Variants in SUCO observed in about 807,000 individuals in gnomAD.
SUCO encodes the protein SUN domain-containing ossification factor.
Under a neutral mutation model 148.1 loss-of-function variants are expected in SUCO, and 57 were observed. The ratio of observed to expected loss-of-function variants is 0.38; its 90% confidence interval spans 0.31 to 0.48. The LOEUF (loss-of-function observed/expected upper bound fraction) is 0.48. Among genes scored for constraint, SUCO ranks in the 20% least tolerant of loss-of-function variants. The probability of loss-of-function intolerance (pLI) is 0.96; values close to 1 mark genes in which losing one functional copy is unlikely to be tolerated. For synonymous variants in SUCO, 470 were observed against 502.7 expected (o/e 0.93, Z 0.87); for missense variants, 1,331 against 1,468.2 (o/e 0.91, Z 1.53).
Position 172,578,407 on chromosome 1 carries a change from G to C in SUCO, c.1432+18G>C. On this transcript the variant is annotated intron_variant, in intron 14 of 23. Coordinates refer to ENST00000263688, the MANE Select transcript of SUCO (RefSeq NM_014283.5). ...GGACTATGGTAAGTGACATCAAACAGATGACTGTTAGGTATATTTTTTTTA... is the reference window on the plus strand; with the variant it reads ...GGACTATGGTAAGTGACATCAAACACATGACTGTTAGGTATATTTTTTTTA... 6.3e-7 allele frequency: 1 copy of C among 1,596,882 alleles called. No homozygotes were observed. The highest frequency in any genetic ancestry group is 1.3e-5 in the African/African-American group (1 of 74,600).
At chr1:172,550,979 T>C (rs1424137800) in intron 1 of SUCO, 3 of 625,352 alleles carry the variant, frequency 4.8e-6, no homozygotes, top group Non-Finnish European at 6.0e-6. Flanking sequence ...ACTTTCTTTT[T>C]TATTGTTTTC....
chr1:172,599,460 A>G (rs1036855266), intron 19 of SUCO: 1 of 803,474 alleles, frequency 1.2e-6, no homozygotes, highest in Non-Finnish European at 1.5e-6. Context: ...GTTGATTATA[A>G]AAGTTTCTAA....
chr1:172,610,941 T>C lies in SUCO; in HGVS notation c.*682T>C, dbSNP rs1478522167. Reference sequence around the variant, plus strand: ...ACTTCTTACTTAGTTACTAACTCAATGAGGAAAAATCCCTACAGGATCTTT... The same window carrying C: ...ACTTCTTACTTAGTTACTAACTCAACGAGGAAAAATCCCTACAGGATCTTT... On this transcript the variant is annotated 3_prime_UTR_variant, in exon 24 of 24. Transcript: ENST00000263688. The C allele has an allele frequency of 1.3e-5, 2 of 152,524 alleles. No homozygotes were observed. Among genetic ancestry groups the C allele is most frequent in the Non-Finnish European group, 2.9e-5 (2 of 68,034 alleles). 9.4% of individuals were successfully genotyped at this position (152,524 alleles called of 1,614,324 possible).
intron 11 of SUCO, among the ~76,000 whole-genome samples, chr1:172,576,107 A>T (rs902259691): frequency 1.3e-5 from 2 of 151,862 alleles, no homozygotes; most frequent in Non-Finnish European, 3.0e-5. Context: ...CCAATTGCAA[A>T]TAAAATAGAG....
chr1:172,575,672 T>C, intron 11 of SUCO, 49 bp downstream of exon 11: 1 of 1,269,014 alleles, frequency 7.9e-7, no homozygotes, highest in East Asian at 2.3e-5. Flanking sequence ...AATATACGTG[T>C]TATTCACACT....
rs934189949 is a variant in SUCO, at chr1:172,570,122, C to T, written c.932C>T (p.Ala311Val). 1.3e-6 allele frequency: 2 copies of T among 1,591,684 alleles called. No individual in the cohort carries two copies. The highest frequency in any genetic ancestry group is 1.7e-6 in the Non-Finnish European group (2 of 1,167,516). The change falls in exon 8 of 24, where the codon GCC (alanine) becomes GTC (valine). Residue 311 changes from alanine to valine, a missense_variant. Around this residue, in one of 3 missense-constraint regions of SUCO, gnomAD observed 992 missense variants for 1,093.5 expected, o/e 0.91. Coordinates refer to ENST00000263688, the MANE Select transcript of SUCO (RefSeq NM_014283.5). ...KKVQKNRNNY[A>V]SVECGAKILA... is the part of the protein sequence containing the mutation. ...GTCCAGAAAAATCGAAATAATTATG[C>T]CTCAGTAGAATGTGGTGCCAAAATT...
In SUCO at chr1:172,610,230, G is replaced by T. The variant is rs1474847164; in HGVS notation, c.3736G>T (p.Gly1246Cys). 1 of 1,604,758 alleles carries T rather than the reference G, an allele frequency of 6.2e-7. No homozygotes were observed. Among genetic ancestry groups the T allele is most frequent in the South Asian group, 1.1e-5 (1 of 89,298 alleles). The change falls in exon 24 of 24, where the codon GGT (glycine) becomes TGT (cysteine). Residue 1246 changes from glycine (G) to cysteine (C), a missense_variant. By Grantham distance (159) the Gly-to-Cys change is radical. Coordinates refer to ENST00000263688, the MANE Select transcript of SUCO (RefSeq NM_014283.5). ...CAAAGAGATCACCGTGGGAACATTT[G>T]GTGTTACAGCAGTCTCGGGACATAT... ...GNKEITVGTFGVTAVSGHI is the reference protein window; with the variant it reads ...GNKEITVGTFCVTAVSGHI
intron 10 of SUCO, 79 bp downstream of exon 10, chr1:172,574,077 C>G (rs1655248486): frequency 1.3e-6 from 1 of 758,874 alleles, no homozygotes; most frequent in African/African-American, 1.8e-5. Context: ...AAAAGTGGGT[C>G]ACATTTTGAC....
intron 7 of SUCO, 156 bp downstream of exon 7, chr1:172,569,298 T>C: frequency 9.3e-6 from 7 of 755,706 alleles, no homozygotes; most frequent in Non-Finnish European, 8.1e-6. Flanking sequence ...CATCCATCCA[T>C]CATGTACCTG....
chr1:172,586,652 G>A lies in SUCO; in HGVS notation c.1658+704G>A, dbSNP rs1656267878. Among the ~76,000 whole-genome samples the A allele has an allele frequency of 1.3e-5, 2 of 152,028 alleles. 1 individual carries two copies. Reference sequence around the variant, plus strand: ...TTAGATACACTCCCTACAAAACTTTGCAAGTCCTTTATCTTAGAACAACTC... The same window carrying A: ...TTAGATACACTCCCTACAAAACTTTACAAGTCCTTTATCTTAGAACAACTC... On this transcript the variant is annotated intron_variant, in intron 17 of 23. Transcript: ENST00000263688.
chr1:172,570,658 AAT>A lies in SUCO; in HGVS notation c.982-3_982-2del. 1 of 1,569,404 alleles carries A rather than the reference AAT, an allele frequency of 6.4e-7. No individual in the cohort carries two copies. The highest frequency in any genetic ancestry group is 8.7e-7 in the Non-Finnish European group (1 of 1,144,466). On this transcript the variant is annotated splice_polypyrimidine_tract_variant and splice_region_variant and intron_variant, in intron 8 of 23. Coordinates refer to ENST00000263688, the MANE Select transcript of SUCO (RefSeq NM_014283.5). ...AATTTGTTTCCTTTCCTCTTTTTAA[AAT>A]AGAGCACATCTGCTATTCTTATAGA...
At chr1:172,592,159 G>A (rs536921940) in intron 19 of SUCO, among the ~76,000 whole-genome samples, 49 of 152,042 alleles carry the variant, frequency 3.2e-4, no homozygotes, top group African/African-American at 1.1e-3. Flanking sequence ...TCAGTTCTTC[G>A]TAGATTCTGG....
intron 6 of SUCO, chr1:172,568,585 C>A: frequency 3.8e-6 from 1 of 266,456 alleles, no homozygotes; most frequent in Non-Finnish European, 5.8e-6. Flanking sequence ...TTTTTGTGTA[C>A]ACAGTGTTTC....
intron 10 of SUCO, among the ~76,000 whole-genome samples, chr1:172,574,436 A>C (rs1432137554): frequency 1.3e-5 from 2 of 152,054 alleles, no homozygotes; most frequent in Non-Finnish European, 2.9e-5. Context: ...ATTAAAATAT[A>C]TTCTAAAACT....
intron 19 of SUCO, among the ~76,000 whole-genome samples, chr1:172,599,807 T>C (rs1657380034): frequency 6.6e-6 from 1 of 152,250 alleles, no homozygotes; most frequent in Non-Finnish European, 1.5e-5. Flanking sequence ...TGTTATACAG[T>C]ATTTCACATT....
intron 9 of SUCO, among the ~76,000 whole-genome samples, chr1:172,571,733 CGCCTCTACCCGGG>C (rs1655016223): frequency 1.9e-5 from 1 of 53,800 alleles, no homozygotes; most frequent in African/African-American, 9.5e-5. Context: ...ATGTGAGGAG[CGCCTCTACCCGGG>C]CGCGACCCCG....
In SUCO at chr1:172,589,294, G is replaced by C. The variant is rs1333532969; in HGVS notation, c.2193G>C (p.Gln731His). The change falls in exon 18 of 24, where the codon CAG becomes CAC. Residue 731 changes from glutamine (Q) to histidine (H), a missense_variant. Transcript: ENST00000263688. ...CAAGCCATTCTCAAACTCTTTCTCA[G>C]TCTCTTCTTTTAGATATTACCCCAG... ...LEPSHSQTLS[Q>H]SLLLDITPEI... is the part of the protein sequence containing the mutation. The C allele has an allele frequency of 7.4e-6, 12 of 1,613,442 alleles. No homozygotes were observed. The highest frequency in any genetic ancestry group is 9.3e-6 in the Non-Finnish European group (11 of 1,179,804).
chr1:172,572,201 C>T (rs1224793253), intron 9 of SUCO, among the ~76,000 whole-genome samples: 5 of 148,012 alleles, frequency 3.4e-5, no homozygotes. Flanking sequence ...GGGAGGTGTA[C>T]CCAACAGCTC....
chr1:172,536,701 G>A (rs1286002585), intron 1 of SUCO, among the ~76,000 whole-genome samples: 1 of 152,164 alleles, frequency 6.6e-6, no homozygotes, highest in Non-Finnish European at 1.5e-5. Context: ...CTGTGGATGA[G>A]AAGTCCAAGA....
Sources: gnomAD v4.1 joint callset for allele counts (sites outside exome capture counted in the v4.1 genomes callset) on GRCh38, gnomAD v4.1.1 for gene constraint, gnomAD v4.1.1 regional missense constraint, MANE v1.5 for transcripts, NCBI Gene and HGNC (gene_info 2026-07-23, HGNC 2026-07-21) for gene names.